The following DOP1B variants were observed in gnomAD, a reference collection of about 807,000 sequenced individuals.
DOP1B encodes protein DOP1B.
DOP1B carries 174 observed loss-of-function variants against 233.5 expected under a neutral mutation model. The observed-to-expected ratio is 0.75, with a 90% confidence interval of 0.66 to 0.85. The LOEUF is 0.85. DOP1B is among the 40% of genes least tolerant of loss of function. The pLI, the probability that DOP1B is intolerant of heterozygous loss-of-function variation, is 0.00. For missense variants in DOP1B, 2,652 were observed against 2,846.6 expected (o/e 0.93, Z 1.56); for synonymous variants, 1,190 against 1,185.6 (o/e 1.00, Z -0.08).
intron 2 of DOP1B, among the ~76,000 whole-genome samples, chr21:36,197,575 G>A (rs1262691400): frequency 6.6e-6 from 1 of 152,218 alleles, no homozygotes; most frequent in Non-Finnish European, 1.5e-5. Context: ...GCACTGTAGA[G>A]GGAAGGCCTG....
At chr21:36,169,026 T>G (rs1601376963) in intron 2 of DOP1B, 11 of 835,034 alleles carry the variant, frequency 1.3e-5, no homozygotes, top group Non-Finnish European at 2.1e-5. Flanking sequence ...ATGAATGCTT[T>G]CTTCTCCTCC....
intron 11 of DOP1B, among the ~76,000 whole-genome samples, chr21:36,225,148 G>A (rs191671186): frequency 7.2e-5 from 11 of 152,242 alleles, no homozygotes; most frequent in Admixed American, 7.2e-4. Flanking sequence ...AACTACAAAA[G>A]CTGCCTTCCA....
In DOP1B at chr21:36,238,706, G is replaced by T; in HGVS notation, c.2876+5G>T. ...TCACAATCGCTCCTTTGATAGGTGA[G>T]GCGGCCTTCGTTATGATCTACCGTT... On this transcript the variant is annotated splice_donor_5th_base_variant and intron_variant, in intron 17 of 36. Coordinates refer to ENST00000691173, the MANE Select transcript of DOP1B (RefSeq NM_001320714.2). The T allele has an allele frequency of 1.2e-6, 2 of 1,614,124 alleles. No individual in the cohort carries two copies. Among genetic ancestry groups the T allele is most frequent in the East Asian group, 4.5e-5 (2 of 44,880 alleles).
chr21:36,247,357 G>C (rs1001103008), intron 19 of DOP1B, among the ~76,000 whole-genome samples, 160 bp from the exon 20 acceptor site: 18 of 152,146 alleles, frequency 1.2e-4, no homozygotes, highest in Non-Finnish European at 2.5e-4. Flanking sequence ...ATCACACAAA[G>C]GATGGTTAAC....
chr21:36,230,328 T>G (rs1448089420), intron 13 of DOP1B, 122 bp from the exon 14 acceptor site: 22 of 1,201,382 alleles, frequency 1.8e-5, no homozygotes, highest in Non-Finnish European at 2.0e-5. Context: ...AACACAGGGA[T>G]TCTCTAGTCT....
intron 2 of DOP1B, among the ~76,000 whole-genome samples, chr21:36,173,512 C>G (rs2065992338): frequency 6.6e-6 from 1 of 151,300 alleles, no homozygotes; most frequent in African/African-American, 2.4e-5. Context: ...AGCTTCGCCT[C>G]CTGGGTTCAA....
chr21:36,221,166 G>C (rs967498203), intron 10 of DOP1B, among the ~76,000 whole-genome samples: 1 of 152,072 alleles, frequency 6.6e-6, no homozygotes, highest in Non-Finnish European at 1.5e-5. Flanking sequence ...TCTCCTATGG[G>C]ATTAGTTGCC....
chr21:36,216,769 T>G (rs1041250020), intron 9 of DOP1B, among the ~76,000 whole-genome samples: 1 of 151,974 alleles, frequency 6.6e-6, no homozygotes, highest in Non-Finnish European at 1.5e-5. Flanking sequence ...GGTAGCTGTT[T>G]GCAGAGGACA....
intron 27 of DOP1B, among the ~76,000 whole-genome samples, chr21:36,276,578 C>T (rs1364647074): frequency 2.6e-5 from 4 of 151,856 alleles, no homozygotes; most frequent in Middle Eastern, 3.4e-3. Context: ...CGGTGGCTCA[C>T]GCCTGTAATC....
In DOP1B at chr21:36,211,644, C is replaced by A; in HGVS notation, c.773C>A (p.Thr258Asn). The A allele has an allele frequency of 1.9e-6, 3 of 1,613,836 alleles. No homozygotes were observed. Among genetic ancestry groups the A allele is most frequent in the Non-Finnish European group, 2.5e-6 (3 of 1,179,862 alleles). The change falls in exon 6 of 37, where the codon ACC (threonine) becomes AAC (asparagine). Residue 258 changes from threonine (T) to asparagine (N), a missense_variant. Thr to Asn is a moderately conservative substitution (Grantham distance 65). Coordinates refer to ENST00000691173, the MANE Select transcript of DOP1B (RefSeq NM_001320714.2). ...EIVLFFFPFYTCLDSNERAIP... is the reference protein window; with the variant it reads ...EIVLFFFPFYNCLDSNERAIP... ...GTTCTGTTTTTCTTCCCATTTTATA[C>A]CTGTCTGGTAAGTAATTTGTACTCT... is the stretch of plus-strand genomic sequence containing the variant.
At position 36,200,349 on chromosome 21, in the gene DOP1B, C is replaced by T. The variant is rs201707335; in HGVS notation, c.339C>T (p.Leu113=). 1 of 1,603,506 alleles carries T rather than the reference C, an allele frequency of 6.2e-7. No individual in the cohort carries two copies. The highest frequency in any genetic ancestry group is 1.1e-5 in the South Asian group (1 of 89,772). Residue 113 remains leucine (L), a synonymous_variant, in exon 4 of 37, where the codon CTC becomes CTT. Coordinates refer to ENST00000691173, the MANE Select transcript of DOP1B (RefSeq NM_001320714.2). ...CTCGAAGCTGCGGGTTATTTCCTCT[C>T]CTGGCACACGCGGCGGTGTCGGTGA... ...LFLYSCGLFP[L]LAHAAVSVRP... is the part of the protein sequence containing the mutation.
intron 2 of DOP1B, chr21:36,168,894 GTT>G (rs375606002): frequency 3.8e-5 from 15 of 394,810 alleles, no homozygotes; most frequent in African/African-American, 1.1e-4. Flanking sequence ...CTCCCTGTGG[GTT>G]TTTTTTTTTA....
chr21:36,233,120 CT>C, intron 15 of DOP1B, 45 bp downstream of exon 15: 1 of 1,586,606 alleles, frequency 6.3e-7, no homozygotes, highest in Non-Finnish European at 8.6e-7. Context: ...CCTTCTCCCC[CT>C]GAGCAAAACT....
At chr21:36,293,098 C>G (rs1026221476) in intron 36 of DOP1B, among the ~76,000 whole-genome samples, 3 of 151,484 alleles carry the variant, frequency 2.0e-5, no homozygotes, top group Non-Finnish European at 4.4e-5. Context: ...CCCAGCTACT[C>G]AGGAAGCTGA....
In DOP1B at chr21:36,245,983, C is replaced by T. The variant is rs2066957129; in HGVS notation, c.4003C>T (p.His1335Tyr). 6.2e-7 allele frequency: 1 copy of T among 1,613,986 alleles called. No homozygotes were observed. The highest frequency in any genetic ancestry group is 1.3e-5 in the African/African-American group (1 of 74,914). Reference sequence around the variant, plus strand: ...CTACCCTTGCTATTTGAAGGTCTCGCACCGAGACATTCTCGGCAACCGGGA... The same window carrying T: ...CTACCCTTGCTATTTGAAGGTCTCGTACCGAGACATTCTCGGCAACCGGGA... ...SYYPCYLKVS[H>Y]RDILGNRDVQ... Residue 1335 changes from histidine (H) to tyrosine (Y), a missense_variant, in exon 19 of 37, where the codon CAC (histidine) becomes TAC (tyrosine). His to Tyr is a moderately conservative substitution (Grantham distance 83). This residue lies in a region of DOP1B where 2,617 missense variants were observed against 2,794.3 expected (regional missense o/e 0.94). Transcript: ENST00000691173. The surrounding 1 kb of genome is among the most constrained non-coding windows in gnomAD (Gnocchi z 5.5).
At position 36,239,851 on chromosome 21, in the gene DOP1B, C is replaced by T. The variant is rs755553332; in HGVS notation, c.2963C>T (p.Ser988Phe). Residue 988 changes from serine (S) to phenylalanine (F), a missense_variant, in exon 18 of 37, where the codon TCC becomes TTC. By Grantham distance (155) the Ser-to-Phe change is radical. This residue lies in a region of DOP1B where 2,617 missense variants were observed against 2,794.3 expected (regional missense o/e 0.94). Coordinates refer to ENST00000691173, the MANE Select transcript of DOP1B (RefSeq NM_001320714.2). ...CAGGGCTGGCTGGTGCGTGCGCTCT[C>T]CCTCGGGGACGTGGCTCGCATCCTC... ...AAQGWLVRAL[S>F]LGDVARILEP... 5.7e-6 allele frequency: 9 copies of T among 1,588,952 alleles called. No homozygotes were observed. The highest frequency in any genetic ancestry group is 1.8e-5 in the Admixed American group (1 of 56,492).
intron 28 of DOP1B, among the ~76,000 whole-genome samples, chr21:36,277,631 CT>C (rs57075585): frequency 0.66 from 99,336 of 149,958 alleles, 34,403 homozygotes; most frequent in African/African-American, 0.89. Flanking sequence ...TGTTTTCTTT[CT>C]TTTTTTTTTC....
intron 32 of DOP1B, among the ~76,000 whole-genome samples, chr21:36,283,781 G>A (rs1282685010): frequency 1.3e-5 from 2 of 151,906 alleles, no homozygotes; most frequent in African/African-American, 4.8e-5. Context: ...GCAGTATAGG[G>A]GAGGATTCTT....
intron 27 of DOP1B, among the ~76,000 whole-genome samples, chr21:36,274,430 GA>G (rs1367341751): frequency 6.6e-6 from 1 of 152,074 alleles, no homozygotes; most frequent in Non-Finnish European, 1.5e-5. Flanking sequence ...AAAAACAGAA[GA>G]AAAAACATTT....
Sources: allele counts gnomAD v4.1 joint callset (sites outside exome capture counted in the v4.1 genomes callset), GRCh38; gene constraint gnomAD v4.1.1; regional missense constraint gnomAD v4.1.1; non-coding constraint Gnocchi (gnomAD v3.1); transcripts MANE v1.5; gene names NCBI Gene and HGNC (gene_info 2026-07-23, HGNC 2026-07-21).